SMYD3: variants seen among roughly 807,000 people sequenced by gnomAD.
The protein encoded by SMYD3 is SET and MYND domain containing 3.
A neutral mutation model predicts 57.7 loss-of-function variants in SMYD3; 36 were observed. The observed-to-expected ratio is 0.62, with a 90% CI of 0.48 to 0.82. The LOEUF is 0.82. SMYD3 is among the 40% of genes least tolerant of loss of function. The pLI, the probability that SMYD3 is intolerant of heterozygous loss-of-function variation, is 0.00. For synonymous variants in SMYD3, 211 were observed against 195.0 expected, an observed-to-expected ratio of 1.08 and a Z score of -0.68; for missense variants, 515 against 538.8, an observed-to-expected ratio of 0.96 and a Z score of 0.44.
intron 5 of SMYD3, among the ~76,000 whole-genome samples, chr1:246,253,366 C>T (rs562557520): frequency 2.0e-5 from 3 of 152,246 alleles, no homozygotes; most frequent in Admixed American, 1.3e-4. Context: ...TGAGAACATG[C>T]GGTATTGGTT....
At chr1:246,242,083 T>C (rs1031117547) in intron 5 of SMYD3, among the ~76,000 whole-genome samples, 1 of 152,168 alleles carries the variant, frequency 6.6e-6, no homozygotes, top group Non-Finnish European at 1.5e-5. Context: ...TTTGTGTCTC[T>C]ATTTCCTTCA....
intron 5 of SMYD3, among the ~76,000 whole-genome samples, chr1:246,067,780 A>C (rs545997010): frequency 7.9e-5 from 12 of 152,350 alleles, no homozygotes; most frequent in African/African-American, 2.4e-4. Flanking sequence ...AAGCAGACGC[A>C]TAACAGCAAT....
At chr1:245,816,877 CA>C in intron 10 of SMYD3, among the ~76,000 whole-genome samples, 1 of 143,852 alleles carries the variant, frequency 7.0e-6, no homozygotes, top group South Asian at 2.1e-4. Flanking sequence ...TTATATCCCG[CA>C]TCTGGCTCGG....
chr1:245,875,058 G>A (rs1289552845), intron 8 of SMYD3, among the ~76,000 whole-genome samples: 1 of 152,236 alleles, frequency 6.6e-6, no homozygotes, highest in East Asian at 1.9e-4. Flanking sequence ...GCTGGCTGAC[G>A]GCACGGCGAG....
At chr1:245,796,971 A>G (rs139697243) in intron 10 of SMYD3, among the ~76,000 whole-genome samples, 121 of 152,346 alleles carry the variant, frequency 7.9e-4, no homozygotes, top group African/African-American at 2.8e-3. Flanking sequence ...GAAATAATGA[A>G]TTTGGAAGGA....
At chr1:246,350,000 C>T (rs184563555) in intron 2 of SMYD3, among the ~76,000 whole-genome samples, 38 of 152,300 alleles carry the variant, frequency 2.5e-4, no homozygotes, top group African/African-American at 8.9e-4. Context: ...GATCAAGACA[C>T]AAAACCCAAC....
chr1:246,261,306 C>T (rs1369393581), intron 5 of SMYD3, among the ~76,000 whole-genome samples: 1 of 151,700 alleles, frequency 6.6e-6, no homozygotes, highest in East Asian at 1.9e-4. Flanking sequence ...ATCCACCCTC[C>T]TCAGCCTCCC....
At chr1:245,776,546 T>C (rs1572305446) in intron 10 of SMYD3, among the ~76,000 whole-genome samples, 1 of 152,238 alleles carries the variant, frequency 6.6e-6, no homozygotes, top group Non-Finnish European at 1.5e-5. Context: ...CCTATACTCA[T>C]GTGATGTTGT....
chr1:246,258,546 C>T (rs1265000806), intron 5 of SMYD3, among the ~76,000 whole-genome samples: 1 of 152,156 alleles, frequency 6.6e-6, no homozygotes, highest in African/African-American at 2.4e-5. Context: ...AAATAGCCCC[C>T]CCAACTCACT....
intron 5 of SMYD3, among the ~76,000 whole-genome samples, chr1:245,996,217 C>A (rs139756457): frequency 5.6e-4 from 85 of 152,274 alleles, no homozygotes; most frequent in African/African-American, 1.9e-3. Flanking sequence ...GGCATAAATT[C>A]TGAAACGATT....
chr1:245,806,913 T>G (rs2048197287), intron 10 of SMYD3, among the ~76,000 whole-genome samples: 1 of 61,130 alleles, frequency 1.6e-5, no homozygotes, highest in Non-Finnish European at 2.5e-5. Flanking sequence ...CGAGACTCCG[T>G]CTCAAAAAAA....
rs548445588 is a variant in SMYD3, at chr1:246,239,341, T to C, written c.531+87860A>G. On this transcript the variant is annotated intron_variant, in intron 5 of 11. Transcript: ENST00000490107. ...CAATTCCCACCTATGAGTGAGAACATGTGGTGTTTGATTTTCTGTCCTTGC... is the reference window on the plus strand; with the variant it reads ...CAATTCCCACCTATGAGTGAGAACACGTGGTGTTTGATTTTCTGTCCTTGC... Among the ~76,000 whole-genome samples, 8 of 152,180 alleles carry C rather than the reference T, an allele frequency of 5.3e-5. 1 individual carries two copies. The highest frequency in any genetic ancestry group is 1.9e-4 in the African/African-American group (8 of 41,526).
chr1:245,827,926 T>C (rs1208002257), intron 10 of SMYD3, among the ~76,000 whole-genome samples: 1 of 152,192 alleles, frequency 6.6e-6, no homozygotes, highest in Non-Finnish European at 1.5e-5. Flanking sequence ...ACCAGGATTC[T>C]TTATCATTTT....
intron 5 of SMYD3, among the ~76,000 whole-genome samples, chr1:246,123,949 C>A (rs1370694322): frequency 6.6e-6 from 1 of 152,174 alleles, no homozygotes; most frequent in Non-Finnish European, 1.5e-5. Context: ...CAAGTCATGT[C>A]TGTCATCCTT....
intron 10 of SMYD3, among the ~76,000 whole-genome samples, chr1:245,827,174 C>A (rs10802273): frequency 6.6e-6 from 1 of 152,032 alleles, no homozygotes; most frequent in South Asian, 2.1e-4. Context: ...GGAGATTAAA[C>A]GGCACGTTCA....
chr1:245,953,348 A>T, intron 5 of SMYD3: 1 of 987,900 alleles, frequency 1.0e-6, no homozygotes, highest in East Asian at 1.1e-4. Flanking sequence ...ATTTTTTAGG[A>T]TGTAACTCTG....
chr1:246,342,554 T>C (rs1572400318), intron 2 of SMYD3, among the ~76,000 whole-genome samples: 1 of 152,182 alleles, frequency 6.6e-6, no homozygotes. Context: ...GACTGACAGG[T>C]ATTGATTAAG....
intron 5 of SMYD3, among the ~76,000 whole-genome samples, chr1:246,006,409 A>T (rs2059169399): frequency 1.3e-5 from 2 of 151,976 alleles, no homozygotes; most frequent in African/African-American, 4.8e-5. Context: ...TCCTCTTCCT[A>T]CCAAAGGGGA....
intron 8 of SMYD3, among the ~76,000 whole-genome samples, chr1:245,903,454 C>T (rs2054327924): frequency 1.3e-5 from 2 of 152,050 alleles, no homozygotes; most frequent in South Asian, 2.1e-4. Flanking sequence ...ACCAATTGCC[C>T]CCACCCCCAC....
Sources: gnomAD v4.1 joint callset for allele counts (sites outside exome capture counted in the v4.1 genomes callset) on GRCh38, gnomAD v4.1.1 for gene constraint, MANE v1.5 for transcripts, NCBI Gene and HGNC (gene_info 2026-07-23, HGNC 2026-07-21) for gene names.